MELK: variants seen among roughly 807,000 people sequenced by gnomAD.
MELK encodes the protein maternal embryonic leucine zipper kinase.
Under a neutral mutation model 85.0 loss-of-function variants are expected in MELK, and 81 were observed. The observed-to-expected ratio is 0.95, with a 90% CI of 0.80 to 1.15. MELK has a LOEUF of 1.15. MELK is among the 50% of genes most tolerant of loss of function. MELK has a pLI of 0.00. For synonymous variants in MELK, 252 were observed against 265.0 expected (o/e 0.95, Z 0.48); for missense variants, 754 against 777.5 (o/e 0.97, Z 0.36).
chr9:36,642,278 C>G (rs1829824628), intron 10 of MELK, among the ~76,000 whole-genome samples: 1 of 152,100 alleles, frequency 6.6e-6, no homozygotes, highest in African/African-American at 2.4e-5. Context: ...CTGTGCTCTA[C>G]AAGTTTGAAT....
rs558334377 is a variant in MELK, at chr9:36,590,941, C to T, written c.261+1289C>T. 3.5e-4 allele frequency among the ~76,000 whole-genome samples: 53 copies of T among 151,840 alleles called. 1 individual carries two copies. The South Asian group carries it at 0.01, about 29-fold the overall frequency. On this transcript the variant is annotated intron_variant, in intron 4 of 17. Transcript: ENST00000298048. ...CAAAAGAAAAAAGAAAAAAAAAAGCCGGGTGTGATGGCGCGTGGTGCGCAC... is the reference window on the plus strand; with the variant it reads ...CAAAAGAAAAAAGAAAAAAAAAAGCTGGGTGTGATGGCGCGTGGTGCGCAC...
At chr9:36,619,464 ATACT>A (rs1360937138) in intron 8 of MELK, among the ~76,000 whole-genome samples, 3 of 152,174 alleles carry the variant, frequency 2.0e-5, no homozygotes, top group African/African-American at 7.2e-5. Flanking sequence ...CCTTCTAACC[ATACT>A]TACTTCTTGG....
chr9:36,669,944 T>C (rs1159891978), intron 15 of MELK, among the ~76,000 whole-genome samples: 1 of 152,172 alleles, frequency 6.6e-6, no homozygotes, highest in African/African-American at 2.4e-5. Flanking sequence ...AATTTATTGA[T>C]GAAGAAACTG....
At chr9:36,593,691 CTGT>C (rs926700496) in intron 4 of MELK, among the ~76,000 whole-genome samples, 42 of 152,080 alleles carry the variant, frequency 2.8e-4, no homozygotes, top group African/African-American at 7.0e-4. Flanking sequence ...GTTGTTGTTG[CTGT>C]TGTTGTTTGT....
chr9:36,585,597 A>G (rs1822811170), intron 3 of MELK, among the ~76,000 whole-genome samples: 1 of 151,252 alleles, frequency 6.6e-6, no homozygotes, highest in Admixed American at 6.6e-5. Context: ...GTGAGCTACC[A>G]CTCCCAGCCT....
chr9:36,587,868 CT>C (rs1823097875), intron 3 of MELK, among the ~76,000 whole-genome samples: 1 of 151,340 alleles, frequency 6.6e-6, no homozygotes, highest in African/African-American at 2.4e-5. Context: ...TCAAGTGATT[CT>C]CCTTGCTTCA....
At chr9:36,615,752 C>A (rs1207023022) in intron 8 of MELK, among the ~76,000 whole-genome samples, 1 of 144,680 alleles carries the variant, frequency 6.9e-6, no homozygotes, top group Non-Finnish European at 1.5e-5. Context: ...ACATCTCAGA[C>A]GATGGGCGGC....
At position 36,671,012 on chromosome 9, in the gene MELK, A is replaced by C. The variant is rs777350999; in HGVS notation, c.1520A>C (p.Glu507Ala). The stretch of plus-strand genomic sequence containing the variant: ...TTTTGTTTCAGGTGCCGCTCAGTGG[A>C]ATTGGATCTCAACCAAGCACATATG... ...ISPERRCRSV[E>A]LDLNQAHMEE... is the part of the protein sequence containing the mutation. The change falls in exon 16 of 18, where the codon GAA becomes GCA. Residue 507 changes from glutamate (E) to alanine (A), a missense_variant. By Grantham distance (107) the Glu-to-Ala change is moderately radical. Transcript: ENST00000298048. 1.2e-6 allele frequency: 2 copies of C among 1,609,720 alleles called. No individual in the cohort carries two copies. The highest frequency in any genetic ancestry group is 3.4e-5 in the Admixed American group (2 of 59,070).
chr9:36,649,862 A>G (rs1223049752), intron 11 of MELK, among the ~76,000 whole-genome samples: 1 of 152,140 alleles, frequency 6.6e-6, no homozygotes, highest in African/African-American at 2.4e-5. Context: ...AGATGGGAGG[A>G]TTGGTTGAGG....
chr9:36,642,759 C>T (rs1829875364), intron 10 of MELK, among the ~76,000 whole-genome samples: 1 of 151,994 alleles, frequency 6.6e-6, no homozygotes, highest in Non-Finnish European at 1.5e-5. Context: ...AACAGTTGCT[C>T]AGATGATGAT....
intron 12 of MELK, among the ~76,000 whole-genome samples, chr9:36,652,591 G>A (rs926126539): frequency 1.1e-4 from 17 of 151,646 alleles, no homozygotes; most frequent in African/African-American, 3.1e-4. Context: ...TTAGCCAGGC[G>A]TGGTGATGAG....
Position 36,669,621 on chromosome 9 carries a change from C to T in MELK, c.1505+215C>T, listed in dbSNP as rs75772158. 8.3e-3 allele frequency among the ~76,000 whole-genome samples: 1,269 copies of T among 152,234 alleles called. 21 individuals carry two copies. The highest frequency in any genetic ancestry group is 0.026 in the African/African-American group (1,091 of 41,544). ...ATCATGAAACTGATCAGCAGTAGGA[C>T]GGCACCTTAAGTACAACAGGCTGGG... On this transcript the variant is annotated intron_variant, in intron 15 of 17. Coordinates refer to ENST00000298048, the MANE Select transcript of MELK (RefSeq NM_014791.4).
chr9:36,586,613 C>T (rs1822928070), intron 3 of MELK, among the ~76,000 whole-genome samples: 1 of 151,932 alleles, frequency 6.6e-6, no homozygotes, highest in Non-Finnish European at 1.5e-5. Flanking sequence ...AGATTAATTC[C>T]CTTAAGCAGT....
At chr9:36,659,441 TTTG>T (rs1424585821) in intron 13 of MELK, among the ~76,000 whole-genome samples, 3 of 152,200 alleles carry the variant, frequency 2.0e-5, no homozygotes, top group South Asian at 2.1e-4. Flanking sequence ...ATTATTGCTG[TTTG>T]TTGTTGTTGG....
chr9:36,626,869 G>T (rs1827977218), intron 8 of MELK, among the ~76,000 whole-genome samples: 1 of 150,924 alleles, frequency 6.6e-6, no homozygotes, highest in Admixed American at 6.6e-5. Context: ...TGAGGCAGGA[G>T]AATTGCTTGA....
At chr9:36,663,022 A>AT (rs1210511708) in intron 13 of MELK, among the ~76,000 whole-genome samples, 1 of 150,868 alleles carries the variant, frequency 6.6e-6, no homozygotes, top group African/African-American at 2.4e-5. Flanking sequence ...TTTTTAATCA[A>AT]TTTTTGAAAA....
At chr9:36,585,527 G>A (rs1445552873) in intron 3 of MELK, among the ~76,000 whole-genome samples, 2 of 151,850 alleles carry the variant, frequency 1.3e-5, no homozygotes, top group Non-Finnish European at 2.9e-5. Flanking sequence ...GGCTGGTCTC[G>A]AACTCCTGAC....
chr9:36,628,550 G>C (rs1397598411), intron 8 of MELK, among the ~76,000 whole-genome samples: 3 of 151,998 alleles, frequency 2.0e-5, no homozygotes, highest in African/African-American at 7.3e-5. Context: ...CTCCCGAGTA[G>C]CTGGGACTAC....
chr9:36,633,253 G>A, intron 10 of MELK, 53 bp downstream of exon 10: 1 of 1,250,356 alleles, frequency 8.0e-7, no homozygotes, highest in African/African-American at 1.5e-5. Flanking sequence ...GTGGTCTTTG[G>A]GTGAATTCAG....
Sources: gnomAD v4.1 joint callset for allele counts (sites outside exome capture counted in the v4.1 genomes callset) on GRCh38, gnomAD v4.1.1 for gene constraint, MANE v1.5 for transcripts, NCBI Gene and HGNC (gene_info 2026-07-23, HGNC 2026-07-21) for gene names.